GLYR1: variants seen among roughly 807,000 people sequenced by gnomAD.
GLYR1 encodes the protein cytokine-like nuclear factor N-PAC.
GLYR1 carries 21 observed loss-of-function variants against 72.7 expected under a neutral mutation model. The observed-to-expected ratio is 0.29, with a 90% CI of 0.20 to 0.42. The LOEUF is 0.42. Ranked by LOEUF, GLYR1 falls within the 10% of genes least tolerant of loss-of-function variation. The pLI, the probability that GLYR1 is intolerant of heterozygous loss-of-function variation, is 1.00. For missense variants in GLYR1, 594 were observed against 712.1 expected (o/e 0.83, Z 1.89); for synonymous variants, 392 against 270.2 (o/e 1.45, Z -4.42).
Position 4,805,301 on chromosome 16 carries a change from T to G in GLYR1, c.1597A>C (p.Arg533=). Residue 533 remains arginine, a synonymous_variant, in exon 16 of 16, where the codon AGA becomes CGA. Transcript: ENST00000321919. ...TCAGACTGGTCCAGCGCCTTGGCTC[T>G]TTTGTACACCTGGAAAAAAAAGAGA... ...MAAAANEVYK[R]AKALDQSDND... is the part of the protein sequence containing the mutation. 1 of 1,613,812 alleles carries G rather than the reference T, an allele frequency of 6.2e-7. No individual in the cohort carries two copies. Among genetic ancestry groups the G allele is most frequent in the Non-Finnish European group, 8.5e-7 (1 of 1,179,906 alleles).
At chr16:4,842,507 G>A (rs2142049434) in intron 3 of GLYR1, among the ~76,000 whole-genome samples, 1 of 151,872 alleles carries the variant, frequency 6.6e-6, no homozygotes, top group Middle Eastern at 3.4e-3. Context: ...GTGCCACCAT[G>A]CCTGGCTATT....
chr16:4,825,815 G>C (rs912750489), intron 5 of GLYR1, among the ~76,000 whole-genome samples: 1 of 151,760 alleles, frequency 6.6e-6, no homozygotes, highest in Non-Finnish European at 1.5e-5. Flanking sequence ...ACCATGCCCA[G>C]CTAATTTTTT....
In GLYR1 at chr16:4,811,933, C is replaced by T. The variant is rs2083343431; in HGVS notation, c.1283-131G>A. ...CCTTCACCTGCCCCCGACAGACTGG[C>T]TCTTCCTCCTTCCACGCACTGACTA... On this transcript the variant is annotated intron_variant, in intron 13 of 15. Transcript: ENST00000321919. The T allele has an allele frequency of 4.9e-6, 7 of 1,414,190 alleles. No homozygotes were observed. The East Asian group carries it at 1.6e-4, about 33-fold the overall frequency. 87.6% of individuals were successfully genotyped at this position (1,414,190 alleles called of 1,614,324 possible). A position where few individuals can be genotyped will look rare whatever the true frequency, so the allele number is the denominator to read the frequency against.
At chr16:4,815,059 T>C (rs867267395) in intron 10 of GLYR1, among the ~76,000 whole-genome samples, 4 of 152,162 alleles carry the variant, frequency 2.6e-5, no homozygotes, top group Non-Finnish European at 5.9e-5. Context: ...TTCTCAACAC[T>C]GTTGTCAGGT....
intron 5 of GLYR1, among the ~76,000 whole-genome samples, chr16:4,827,260 T>G (rs189117245): frequency 1.3e-3 from 192 of 152,276 alleles, no homozygotes; most frequent in African/African-American, 4.4e-3. Context: ...GCCAGCCAAA[T>G]GACAATTACT....
chr16:4,812,527 C>T (rs1389026578), intron 12 of GLYR1, among the ~76,000 whole-genome samples: 1 of 151,610 alleles, frequency 6.6e-6, no homozygotes, highest in Admixed American at 6.6e-5. Context: ...TGGAGTCTCG[C>T]TGTCGCCCAG....
At chr16:4,823,741 A>AC in intron 6 of GLYR1, 80 bp downstream of exon 6, 1 of 955,146 alleles carries the variant, frequency 1.0e-6, no homozygotes, top group Non-Finnish European at 1.6e-6. Flanking sequence ...CAAGAAAGGG[A>AC]CAAAAAAAAA....
At chr16:4,816,221 G>A (rs2083633554) in intron 10 of GLYR1, among the ~76,000 whole-genome samples, 1 of 152,004 alleles carries the variant, frequency 6.6e-6, no homozygotes, top group South Asian at 2.1e-4. Flanking sequence ...ACAGCTCACT[G>A]CAGCCTCTAC....
At chr16:4,824,043 G>T (rs1385603279) in intron 5 of GLYR1, 136 bp from the exon 6 acceptor site, 2 of 616,064 alleles carry the variant, frequency 3.2e-6, no homozygotes, top group Admixed American at 6.3e-5. Flanking sequence ...GGAGAAACAA[G>T]CCAGTTCTTC....
chr16:4,842,722 C>A (rs957155629), intron 3 of GLYR1, among the ~76,000 whole-genome samples: 10 of 151,822 alleles, frequency 6.6e-5, no homozygotes, highest in African/African-American at 2.4e-4. Context: ...TTTTTTGAGA[C>A]AGAGTCTCGC....
At chr16:4,808,235 CAA>C (rs57992836) in intron 15 of GLYR1, among the ~76,000 whole-genome samples, 5,902 of 81,230 alleles carry the variant, frequency 0.073, 82 homozygotes, top group Non-Finnish European at 0.09. Context: ...GACTCTGTCT[CAA>C]AAAAAAAAAA....
intron 3 of GLYR1, among the ~76,000 whole-genome samples, chr16:4,835,457 T>TA (rs1405554779): frequency 6.6e-6 from 1 of 152,208 alleles, no homozygotes; most frequent in Non-Finnish European, 1.5e-5. Flanking sequence ...AATAGGATGG[T>TA]AAATCCAAGA....
At chr16:4,817,871 C>T (rs921388059) in intron 9 of GLYR1, 174 bp from the exon 10 acceptor site, 1 of 596,904 alleles carries the variant, frequency 1.7e-6, no homozygotes, top group Admixed American at 2.9e-5. Context: ...GCACATGGGT[C>T]TTCTCTTATG....
chr16:4,847,047 G>A (rs539565136), intron 1 of GLYR1, 181 bp downstream of exon 1: 17 of 591,302 alleles, frequency 2.9e-5, no homozygotes, highest in South Asian at 2.3e-4. Flanking sequence ...CCTCGGCCTC[G>A]GTCCCCCGGG....
intron 3 of GLYR1, chr16:4,839,639 C>G (rs1186539640): frequency 4.6e-5 from 7 of 152,178 alleles, no homozygotes; most frequent in African/African-American, 1.7e-4. Context: ...AAGAAGTCCT[C>G]CTCTCACCAG....
intron 12 of GLYR1, among the ~76,000 whole-genome samples, chr16:4,812,943 A>C (rs8050379): frequency 0.17 from 23,464 of 140,202 alleles, 3,802 homozygotes; most frequent in African/African-American, 0.45. Flanking sequence ...ACTACAGGCA[A>C]CCGCCACCAT....
chr16:4,847,083 C>A (rs1275419304), intron 1 of GLYR1, 145 bp downstream of exon 1: 2 of 762,170 alleles, frequency 2.6e-6, no homozygotes. Context: ...CCGCCTGGCG[C>A]CGCTCGCAAG....
chr16:4,804,396 C>G lies in GLYR1; in HGVS notation c.*840G>C, dbSNP rs892957332. The G allele has an allele frequency of 6.5e-6, 1 of 152,846 alleles. No individual in the cohort carries two copies. Among genetic ancestry groups the G allele is most frequent in the Admixed American group, 6.5e-5 (1 of 15,280 alleles). The allele number at this position is 152,846 out of a possible 1,614,324, so 9.5% of individuals were successfully genotyped here. On this transcript the variant is annotated 3_prime_UTR_variant, in exon 16 of 16. Coordinates refer to ENST00000321919, the MANE Select transcript of GLYR1 (RefSeq NM_032569.4). ...GGCTCATCACTAGTGGCCCTGAGGA[C>G]TCCCTCCCAAGGGATGGAATGCAAA...
intron 9 of GLYR1, among the ~76,000 whole-genome samples, chr16:4,820,425 A>G (rs1178218745): frequency 6.6e-6 from 1 of 152,196 alleles, no homozygotes; most frequent in Non-Finnish European, 1.5e-5. Context: ...TCTTTTATTA[A>G]AAGTTTGACT....
Sources: allele counts gnomAD v4.1 joint callset (sites outside exome capture counted in the v4.1 genomes callset), GRCh38; gene constraint gnomAD v4.1.1; transcripts MANE v1.5; gene names NCBI Gene and HGNC (gene_info 2026-07-23, HGNC 2026-07-21).